The following RBM26 variants were observed in gnomAD, a reference collection of about 807,000 sequenced individuals.
RBM26 encodes the protein RNA-binding protein 26.
In RBM26, 30 loss-of-function variants were observed where a neutral mutation model predicts 123.6. The ratio of observed to expected loss-of-function variants is 0.24; its 90% confidence interval spans 0.18 to 0.33. RBM26 has a LOEUF of 0.33. RBM26 is among the 10% of genes least tolerant of loss of function. The pLI is 1.00. For synonymous variants in RBM26, 400 were observed against 404.4 expected (o/e 0.99, Z 0.13); for missense variants, 947 against 1,203.6 (o/e 0.79, Z 3.15).
At chr13:79,390,709 C>T (rs900056920) in intron 1 of RBM26, among the ~76,000 whole-genome samples, 3 of 152,268 alleles carry the variant, frequency 2.0e-5, no homozygotes, top group Non-Finnish European at 2.9e-5. Context: ...GACAAGCACA[C>T]TAAAATGTTA....
exon 5 of RBM26, chr13:79,313,257 T>A (rs1566257555): frequency 6.6e-6 from 1 of 151,890 alleles, no homozygotes; most frequent in Non-Finnish European, 1.5e-5. Context: ...TGTAACTGAC[T>A]AGATCTCAAA....
intron 13 of RBM26, among the ~76,000 whole-genome samples, 168 bp from the exon 14 acceptor site, chr13:79,353,392 A>G (rs1416721383): frequency 6.6e-6 from 1 of 152,232 alleles, no homozygotes; most frequent in African/African-American, 2.4e-5. Context: ...ATATGTGGGA[A>G]AACAAAAATA....
chr13:79,347,553 A>G (rs2139298290), intron 14 of RBM26, among the ~76,000 whole-genome samples: 1 of 152,188 alleles, frequency 6.6e-6, no homozygotes, highest in East Asian at 1.9e-4. Context: ...TCCAATTCCT[A>G]AGAACAGAGA....
intron 9 of RBM26, among the ~76,000 whole-genome samples, chr13:79,359,929 T>C (rs1418690545): frequency 1.3e-5 from 2 of 151,884 alleles, no homozygotes; most frequent in Non-Finnish European, 2.9e-5. Context: ...ACTACAGAAA[T>C]AGTAAACAAT....
chr13:79,394,953 T>TCTGC (rs1244022739), intron 1 of RBM26, among the ~76,000 whole-genome samples: 2 of 152,198 alleles, frequency 1.3e-5, no homozygotes, highest in Admixed American at 6.5e-5. Flanking sequence ...AAATTCTCAT[T>TCTGC]CTGCCCTCAA....
chr13:79,390,000 T>C (rs895165534), intron 1 of RBM26, among the ~76,000 whole-genome samples: 1 of 152,156 alleles, frequency 6.6e-6, no homozygotes, highest in African/African-American at 2.4e-5. Flanking sequence ...TAAATGATTC[T>C]ATCTATGAAA....
intron 1 of RBM26, among the ~76,000 whole-genome samples, chr13:79,398,289 G>T (rs1566605030): frequency 6.6e-6 from 1 of 152,124 alleles, no homozygotes. Flanking sequence ...ACTAACATGG[G>T]AATATTTTAC....
chr13:79,391,848 C>T (rs1402969008), intron 1 of RBM26, among the ~76,000 whole-genome samples: 3 of 151,380 alleles, frequency 2.0e-5, no homozygotes, highest in Non-Finnish European at 2.9e-5. Flanking sequence ...TACAAATCAA[C>T]TTTTTAAGAA....
rs574306986 is a variant in RBM26 at position 79,369,404 on chromosome 13, C to T, written c.635-414G>A. On this transcript the variant is annotated intron_variant, in intron 5 of 21. Transcript: ENST00000438737. ...AATGGCTGTTATATTAAGATAAGAA[C>T]GGATGACCCAGAAAGAGTTCATATT... 2.6e-5 allele frequency among the ~76,000 whole-genome samples: 4 copies of T among 152,114 alleles called. No homozygotes were observed. In the South Asian group the frequency reaches 8.3e-4, roughly 32 times the overall value.
At chr13:79,373,309 TAA>T (rs2076198274) in intron 3 of RBM26, among the ~76,000 whole-genome samples, 1 of 106,920 alleles carries the variant, frequency 9.4e-6, no homozygotes, top group Non-Finnish European at 1.7e-5. Flanking sequence ...TATAAAAATA[TAA>T]ATAAATATAT....
intron 18 of RBM26, among the ~76,000 whole-genome samples, chr13:79,338,323 C>G (rs901523589): frequency 3.3e-5 from 5 of 151,944 alleles, no homozygotes; most frequent in Non-Finnish European, 5.9e-5. Flanking sequence ...CAGTGAATAA[C>G]CCACTAGAAT....
chr13:79,353,021 C>A, intron 14 of RBM26, 132 bp downstream of exon 14: 13 of 431,568 alleles, frequency 3.0e-5, no homozygotes, highest in South Asian at 1.8e-4. Flanking sequence ...CAAATGGAAA[C>A]CAAAAGGTAG....
At chr13:79,392,557 T>C (rs1432942877) in intron 1 of RBM26, among the ~76,000 whole-genome samples, 1 of 146,902 alleles carries the variant, frequency 6.8e-6, no homozygotes, top group African/African-American at 2.5e-5. Flanking sequence ...ATAATTAATA[T>C]GTAAAATATG....
intron 1 of RBM26, among the ~76,000 whole-genome samples, chr13:79,394,337 C>T (rs2140448690): frequency 6.6e-6 from 1 of 152,318 alleles, no homozygotes; most frequent in African/African-American, 2.4e-5. Context: ...TTTGAGTTAG[C>T]ACCCCTTTGG....
intron 3 of RBM26, chr13:79,377,052 T>A: frequency 5.0e-6 from 1 of 201,130 alleles, no homozygotes. Context: ...CTTGCCTAAT[T>A]CCCATGTGTT....
chr13:79,314,342 T>C (rs2066990846), downstream of RBM26: 1 of 151,724 alleles, frequency 6.6e-6, no homozygotes, highest in Non-Finnish European at 1.5e-5. Flanking sequence ...AGATCATCAT[T>C]TGTCACTTGG....
chr13:79,335,777 G>A (rs2070260408), intron 19 of RBM26, among the ~76,000 whole-genome samples: 1 of 152,076 alleles, frequency 6.6e-6, no homozygotes. Context: ...CACTTTGTCT[G>A]TTTGGATTAT....
chr13:79,322,417 C>T lies in RBM26; in HGVS notation c.2866G>A (p.Ala956Thr). 1 of 1,581,454 alleles carries T rather than the reference C, an allele frequency of 6.3e-7. No individual in the cohort carries two copies. The highest frequency in any genetic ancestry group is 8.6e-7 in the Non-Finnish European group (1 of 1,166,926). Reference protein sequence around the residue: ...ARFKGQDLKLAWNKPVTNISA... With the variant: ...ARFKGQDLKLTWNKPVTNISA... Reference sequence around the variant, plus strand: ...ATATTAGTTACTGGTTTATTCCATGCCAGTTTTAGATCTTGCCCTTTGAAA... The same window carrying T: ...ATATTAGTTACTGGTTTATTCCATGTCAGTTTTAGATCTTGCCCTTTGAAA... Residue 956 changes from alanine to threonine, a missense_variant, in exon 21 of 22, where the codon GCA becomes ACA. Ala to Thr is a moderately conservative substitution (Grantham distance 58). This residue lies in a region of RBM26 where 164 missense variants were observed against 215.3 expected (regional missense o/e 0.76). Coordinates refer to ENST00000438737, the MANE Select transcript of RBM26 (RefSeq NM_001366735.2).
intron 1 of RBM26, among the ~76,000 whole-genome samples, chr13:79,393,216 G>C (rs953781586): frequency 5.3e-5 from 8 of 152,126 alleles, no homozygotes; most frequent in African/African-American, 1.7e-4. Flanking sequence ...GACAAGGAAA[G>C]GAGCAACAAT....
Sources: gnomAD v4.1 joint callset for allele counts (sites outside exome capture counted in the v4.1 genomes callset) on GRCh38, gnomAD v4.1.1 for gene constraint, gnomAD v4.1.1 regional missense constraint, MANE v1.5 for transcripts, NCBI Gene and HGNC (gene_info 2026-07-23, HGNC 2026-07-21) for gene names.